ARHGAP22: variants seen among roughly 807,000 people sequenced by gnomAD.
ARHGAP22 encodes the protein Rho GTPase activating protein 22.
ARHGAP22 carries 48 observed loss-of-function variants against 59.1 expected under a neutral mutation model. The observed-to-expected ratio is 0.81, with a 90% CI of 0.64 to 1.03. ARHGAP22 has a LOEUF of 1.03. Ranked by LOEUF, ARHGAP22 falls within the 50% of genes least tolerant of loss-of-function variation. The pLI is 0.00. For synonymous variants in ARHGAP22, 445 were observed against 416.4 expected (o/e 1.07, Z -0.84); for missense variants, 1,015 against 958.7 (o/e 1.06, Z -0.78).
chr10:48,505,565 A>G (rs759131727), intron 3 of ARHGAP22, among the ~76,000 whole-genome samples: 2 of 148,492 alleles, frequency 1.3e-5, no homozygotes, highest in African/African-American at 2.5e-5. Flanking sequence ...GCATCACAAA[A>G]CCTCCCAGAG....
chr10:48,479,853 G>A lies in ARHGAP22; in HGVS notation c.323-89C>T, dbSNP rs896409489. On this transcript the variant is annotated intron_variant, in intron 3 of 9. Coordinates refer to ENST00000249601, the MANE Select transcript of ARHGAP22 (RefSeq NM_021226.4). ...GCACTAGTCAGCATTACTCCCTGTG[G>A]GATATTCCCAAAGTCCTTCCAGCAA... is the stretch of plus-strand genomic sequence containing the variant. 2.3e-6 allele frequency: 3 copies of A among 1,315,246 alleles called. No individual in the cohort carries two copies. The African/African-American group carries it at 4.5e-5, about 20-fold the overall frequency. The allele number at this position is 1,315,246 out of a possible 1,614,324, so 81.5% of individuals were successfully genotyped here.
intron 4 of ARHGAP22, among the ~76,000 whole-genome samples, chr10:48,477,932 C>G (rs1051634451): frequency 2.0e-5 from 3 of 152,180 alleles, no homozygotes; most frequent in African/African-American, 7.2e-5. Context: ...TTTTCATTTT[C>G]TTAATCTACC....
chr10:48,463,858 G>A (rs1024513810), intron 4 of ARHGAP22, among the ~76,000 whole-genome samples: 7 of 152,294 alleles, frequency 4.6e-5, no homozygotes, highest in Non-Finnish European at 1.0e-4. Context: ...GAGCTCTCCA[G>A]GGCCGCCACC....
At chr10:48,494,873 CTT>C (rs1480816668) in intron 3 of ARHGAP22, among the ~76,000 whole-genome samples, 3 of 152,222 alleles carry the variant, frequency 2.0e-5, no homozygotes, top group Non-Finnish European at 2.9e-5. Flanking sequence ...CCACCAGAAA[CTT>C]TGCATTCTCT....
the ARHGAP22 span, chr10:48,431,157 CT>C: frequency 5.6e-5 from 79 of 1,410,408 alleles, no homozygotes; most frequent in Middle Eastern, 5.5e-4. Context: ...GGCTCTTAGA[CT>C]TTGAAAAGTT....
intron 9 of ARHGAP22, 85 bp from the exon 10 acceptor site, chr10:48,446,704 G>T (rs1343736182): frequency 1.5e-6 from 2 of 1,362,952 alleles, no homozygotes; most frequent in Middle Eastern, 2.0e-4. Context: ...TGCTCACTGT[G>T]GGTTGAGGGG....
chr10:48,434,774 C>A, the ARHGAP22 span: 2 of 905,556 alleles, frequency 2.2e-6, no homozygotes, highest in Non-Finnish European at 3.2e-6. Flanking sequence ...TTTAGTGAGC[C>A]TTCGAAACCC....
rs34557935 is a variant in ARHGAP22 at position 48,577,801 on chromosome 10, G to GTTTTTTTTTTTTTTTTT, written c.234+5135_234+5151dup. 6.8e-4 allele frequency among the ~76,000 whole-genome samples: 40 copies of GTTTTTTTTTTTTTTTTT among 59,164 alleles called. 8 individuals carry two copies. The highest frequency in any genetic ancestry group is 6.4e-3 in the East Asian group (8 of 1,246). 38.8% of individuals were successfully genotyped at this position (59,164 alleles called of 152,430 possible). A position where few individuals can be genotyped will look rare whatever the true frequency, so the allele number is the denominator to read the frequency against. On this transcript the variant is annotated intron_variant, in intron 2 of 9. Coordinates refer to ENST00000249601, the MANE Select transcript of ARHGAP22 (RefSeq NM_021226.4). Reference sequence around the variant, plus strand: ...TCTGAGATCTAACTGCTCTTTTTTGGTTTTTTTTTTTTTTTTTTTTTTTTT... The same window carrying GTTTTTTTTTTTTTTTTT: ...TCTGAGATCTAACTGCTCTTTTTTGGTTTTTTTTTTTTTTTTTTTTTTTTTTTTTTTTTTTTTTTTTT...
In ARHGAP22 at chr10:48,498,473, C is replaced by G. The variant is rs140829420; in HGVS notation, c.323-18709G>C. Among the ~76,000 whole-genome samples the G allele has an allele frequency of 2.7e-3, 409 of 152,274 alleles. 1 individual carries two copies. Among genetic ancestry groups the G allele is most frequent in the Non-Finnish European group, 4.5e-3 (307 of 68,022 alleles). ...AGTGGCCCACATGTAGAGGAAGCCACCCCAACACCCCCACCAGTCCCAGCA... is the reference window on the plus strand; with the variant it reads ...AGTGGCCCACATGTAGAGGAAGCCAGCCCAACACCCCCACCAGTCCCAGCA... On this transcript the variant is annotated intron_variant, in intron 3 of 9. Coordinates refer to ENST00000249601, the MANE Select transcript of ARHGAP22 (RefSeq NM_021226.4).
upstream of ARHGAP22, among the ~76,000 whole-genome samples, chr10:48,654,802 C>CT (rs1565068640): frequency 5.0e-5 from 7 of 141,350 alleles, no homozygotes; most frequent in African/African-American, 2.0e-4. Context: ...TTCTTTCTTT[C>CT]TTTCTTTCTT....
chr10:48,631,153 C>T lies in ARHGAP22; in HGVS notation c.52+21081G>A, dbSNP rs182073415. ...ATCAGCCTTCCATATCTGGAATAAA[C>T]TCCACTTGGTTGTGGTATATAATTC... On this transcript the variant is annotated intron_variant, in intron 1 of 9. Coordinates refer to the ARHGAP22 transcript ENST00000435790. 2.1e-3 allele frequency among the ~76,000 whole-genome samples: 327 copies of T among 152,334 alleles called. 1 individual carries two copies. The highest frequency in any genetic ancestry group is 2.9e-4 in the Non-Finnish European group (20 of 68,020).
At chr10:48,468,849 T>C (rs1436022586) in intron 4 of ARHGAP22, among the ~76,000 whole-genome samples, 1 of 152,066 alleles carries the variant, frequency 6.6e-6, no homozygotes, top group Non-Finnish European at 1.5e-5. Context: ...GGAGCTGTTT[T>C]CTCCCTCCCC....
intron 3 of ARHGAP22, among the ~76,000 whole-genome samples, chr10:48,485,891 C>T (rs1300370474): frequency 6.6e-6 from 1 of 152,092 alleles, no homozygotes; most frequent in African/African-American, 2.4e-5. Context: ...ATTTTAAGTG[C>T]ATTTTTTATC....
At chr10:48,588,263 C>G (rs1229130393) in intron 1 of ARHGAP22, among the ~76,000 whole-genome samples, 1 of 152,114 alleles carries the variant, frequency 6.6e-6, no homozygotes, top group Non-Finnish European at 1.5e-5. Context: ...TTCCACCTGC[C>G]CCACCCTGCA....
chr10:48,492,799 C>T (rs1220115020), intron 3 of ARHGAP22, among the ~76,000 whole-genome samples: 1 of 152,090 alleles, frequency 6.6e-6, no homozygotes, highest in Non-Finnish European at 1.5e-5. Context: ...GGTGATCCGC[C>T]CACCTCAACT....
intron 3 of ARHGAP22, among the ~76,000 whole-genome samples, chr10:48,524,848 A>G (rs886943141): frequency 6.6e-6 from 1 of 152,202 alleles, no homozygotes; most frequent in African/African-American, 2.4e-5. Context: ...GATGCTACTT[A>G]GCACAAATTA....
intron 3 of ARHGAP22, among the ~76,000 whole-genome samples, chr10:48,499,060 T>C (rs2051242128): frequency 6.6e-6 from 1 of 152,074 alleles, no homozygotes; most frequent in African/African-American, 2.4e-5. Context: ...TTGCAGCCAC[T>C]CCGGCCAGCG....
At chr10:48,602,607 C>T (rs915031197) in intron 1 of ARHGAP22, among the ~76,000 whole-genome samples, 3 of 152,198 alleles carry the variant, frequency 2.0e-5, no homozygotes, top group African/African-American at 7.2e-5. Context: ...CAGGCAAATG[C>T]TTTCTCCTCT....
chr10:48,494,804 G>C (rs1200146986), intron 3 of ARHGAP22, among the ~76,000 whole-genome samples: 1 of 152,068 alleles, frequency 6.6e-6, no homozygotes, highest in Non-Finnish European at 1.5e-5. Context: ...CTCCTCCCCC[G>C]GCCCATGTCC....
Sources: allele counts gnomAD v4.1 joint callset (sites outside exome capture counted in the v4.1 genomes callset), GRCh38; gene constraint gnomAD v4.1.1; transcripts MANE v1.5; gene names NCBI Gene and HGNC (gene_info 2026-07-23, HGNC 2026-07-21).